Variants in CCDC85A observed in about 807,000 individuals in gnomAD.
CCDC85A encodes coiled-coil domain-containing protein 85A.
In CCDC85A, 38 loss-of-function variants were observed where a neutral mutation model predicts 50.2. The ratio of observed to expected loss-of-function variants is 0.76; its 90% CI spans 0.58 to 0.99. The LOEUF is 0.99. CCDC85A is among the 50% of genes least tolerant of loss of function. CCDC85A has a pLI of 0.00. For missense variants in CCDC85A, 820 were observed against 742.0 expected, an observed-to-expected ratio of 1.11 and a Z score of -1.22; for synonymous variants, 366 against 301.4, an observed-to-expected ratio of 1.21 and a Z score of -2.22.
chr2:56,284,547 A>G (rs1385789899), intron 2 of CCDC85A, among the ~76,000 whole-genome samples: 1 of 151,828 alleles, frequency 6.6e-6, no homozygotes, highest in Admixed American at 6.6e-5. Flanking sequence ...TAATTTTTCT[A>G]TTTTTAGTAG....
At chr2:56,295,952 TC>T (rs1309082621) in intron 2 of CCDC85A, among the ~76,000 whole-genome samples, 1 of 152,198 alleles carries the variant, frequency 6.6e-6, no homozygotes, top group African/African-American at 2.4e-5. Flanking sequence ...TCTACGACTT[TC>T]TAATTAAGTC....
intron 2 of CCDC85A, among the ~76,000 whole-genome samples, chr2:56,283,843 T>G (rs771636161): frequency 1.2e-4 from 19 of 152,102 alleles, no homozygotes; most frequent in Admixed American, 2.0e-4. Flanking sequence ...GCTTTGTTAG[T>G]TTTGTCTATT....
intron 2 of CCDC85A, among the ~76,000 whole-genome samples, chr2:56,265,147 C>A (rs1670381925): frequency 6.6e-6 from 1 of 151,840 alleles, no homozygotes; most frequent in South Asian, 2.1e-4. Flanking sequence ...AAGCCTGAGA[C>A]AAGGAATAGG....
At chr2:56,371,230 G>A (rs1676055771) in intron 3 of CCDC85A, among the ~76,000 whole-genome samples, 1 of 152,058 alleles carries the variant, frequency 6.6e-6, no homozygotes, top group East Asian at 1.9e-4. Context: ...CAATTTAATA[G>A]GTTCAGAAAA....
intron 2 of CCDC85A, among the ~76,000 whole-genome samples, chr2:56,298,746 T>C (rs747005786): frequency 7.9e-5 from 12 of 152,186 alleles, no homozygotes; most frequent in African/African-American, 2.2e-4. Flanking sequence ...GAGGCAGTGA[T>C]AGGAGGTTTG....
chr2:56,348,113 G>A (rs1248761735), intron 3 of CCDC85A, among the ~76,000 whole-genome samples: 1 of 152,156 alleles, frequency 6.6e-6, no homozygotes, highest in African/African-American at 2.4e-5. Context: ...CTCGACTAGA[G>A]ACATGAACAA....
chr2:56,222,051 C>G (rs1453242205), intron 2 of CCDC85A, among the ~76,000 whole-genome samples: 2 of 152,056 alleles, frequency 1.3e-5, no homozygotes, highest in African/African-American at 2.4e-5. Flanking sequence ...TTCATGAGGA[C>G]AGTGCCCTCA....
chr2:56,355,184 C>G (rs1675160834), intron 3 of CCDC85A, among the ~76,000 whole-genome samples: 1 of 152,182 alleles, frequency 6.6e-6, no homozygotes, highest in South Asian at 2.1e-4. Flanking sequence ...CCGAGTTTTC[C>G]AATATTCTCT....
chr2:56,234,832 A>G (rs971688320), intron 2 of CCDC85A, among the ~76,000 whole-genome samples: 7 of 152,176 alleles, frequency 4.6e-5, no homozygotes, highest in Admixed American at 3.9e-4. Flanking sequence ...TAGGGAAGAC[A>G]CTATGTTTTA....
chr2:56,194,305 G>C (rs1310623384), intron 2 of CCDC85A, among the ~76,000 whole-genome samples: 1 of 152,112 alleles, frequency 6.6e-6, no homozygotes, highest in Admixed American at 6.6e-5. Context: ...TTAATTTTCT[G>C]CATCTTGGAT....
intron 2 of CCDC85A, among the ~76,000 whole-genome samples, chr2:56,312,956 G>A (rs969897428): frequency 6.6e-6 from 1 of 152,094 alleles, no homozygotes; most frequent in Non-Finnish European, 1.5e-5. Context: ...TTTGTAGAGA[G>A]CACTTTATGC....
At chr2:56,294,868 G>A (rs889466311) in intron 2 of CCDC85A, among the ~76,000 whole-genome samples, 7 of 152,150 alleles carry the variant, frequency 4.6e-5, no homozygotes, top group Non-Finnish European at 7.3e-5. Flanking sequence ...TACTAAGGCC[G>A]GTACCTCTAA....
intron 2 of CCDC85A, among the ~76,000 whole-genome samples, chr2:56,297,268 A>C (rs1402714409): frequency 1.3e-5 from 2 of 152,126 alleles, no homozygotes; most frequent in Admixed American, 6.6e-5. Context: ...GTATGCTAAG[A>C]GGACTGTGGA....
chr2:56,296,583 G>A (rs1671958767), intron 2 of CCDC85A, among the ~76,000 whole-genome samples: 1 of 152,026 alleles, frequency 6.6e-6, no homozygotes, highest in African/African-American at 2.4e-5. Flanking sequence ...TTTGATGTTT[G>A]ATGCACCTTA....
intron 2 of CCDC85A, among the ~76,000 whole-genome samples, chr2:56,319,246 T>G (rs61393257): frequency 1.3e-5 from 2 of 152,104 alleles, no homozygotes; most frequent in East Asian, 3.9e-4. Flanking sequence ...AACCCATTTT[T>G]CAAATGGGAA....
chr2:56,312,172 T>G (rs1394673787), intron 2 of CCDC85A, among the ~76,000 whole-genome samples: 4 of 152,222 alleles, frequency 2.6e-5, no homozygotes, highest in South Asian at 2.1e-4. Flanking sequence ...TGTAGGAACG[T>G]GACTGTCACT....
At chr2:56,379,790 A>G (rs1280303238) in intron 5 of CCDC85A, 2 of 984,970 alleles carry the variant, frequency 2.0e-6, no homozygotes, top group African/African-American at 3.5e-5. Context: ...CAACAGGGTA[A>G]AGAGTATGAA....
intron 2 of CCDC85A, among the ~76,000 whole-genome samples, chr2:56,305,995 T>C (rs1672426499): frequency 6.6e-6 from 1 of 152,218 alleles, no homozygotes; most frequent in African/African-American, 2.4e-5. Context: ...CCTTCTTTCA[T>C]TGCCTTGACA....
At chr2:56,187,258 G>A (rs1363841388) in intron 1 of CCDC85A, among the ~76,000 whole-genome samples, 1 of 152,204 alleles carries the variant, frequency 6.6e-6, no homozygotes, top group African/African-American at 2.4e-5. Flanking sequence ...AACTATAAAT[G>A]TAGGGGAATT....
Sources: gnomAD v4.1 joint callset for allele counts (sites outside exome capture counted in the v4.1 genomes callset) on GRCh38, gnomAD v4.1.1 for gene constraint, MANE v1.5 for transcripts, NCBI Gene and HGNC (gene_info 2026-07-23, HGNC 2026-07-21) for gene names.